The following GPI variants were observed in gnomAD, a reference collection of about 807,000 sequenced individuals.
GPI encodes the protein D-hexose-6-phosphate anomerase.
A neutral mutation model predicts 75.8 loss-of-function variants in GPI; 56 were observed. That is an observed-to-expected ratio of 0.74 (90% CI 0.60 to 0.92). The LOEUF is 0.92. Ranked by LOEUF, GPI falls within the 40% of genes least tolerant of loss-of-function variation. GPI has a pLI of 0.00. For synonymous variants in GPI, 288 were observed against 285.4 expected (o/e 1.01, Z -0.09); for missense variants, 638 against 741.0 (o/e 0.86, Z 1.61).
At chr19:34,375,406 C>A (rs535767782) in intron 4 of GPI, among the ~76,000 whole-genome samples, 1 of 152,212 alleles carries the variant, frequency 6.6e-6, no homozygotes, top group Admixed American at 6.5e-5. Context: ...CCTTGGTCTC[C>A]CAAAGTGCCA....
At chr19:34,392,148 ATCTGGCCCTAGTAAGAAG>A (rs2074856845) in intron 9 of GPI, 1 of 6,416 alleles carries the variant, frequency 1.6e-4, no homozygotes. Context: ...AGGAGGTAGG[ATCTGGCCCTAGTAAGAAG>A]ATCTCAGTCT....
chr19:34,368,888 T>C, intron 4 of GPI, 186 bp downstream of exon 4: 1 of 699,336 alleles, frequency 1.4e-6, no homozygotes, highest in South Asian at 1.6e-5. Flanking sequence ...GAATTTCTCC[T>C]GGCTCTGCTC....
At chr19:34,388,738 G>A (rs1568342049) in intron 9 of GPI, among the ~76,000 whole-genome samples, 1 of 152,100 alleles carries the variant, frequency 6.6e-6, no homozygotes, top group Non-Finnish European at 1.5e-5. Flanking sequence ...ACCTGTTCTC[G>A]GCCAAGGTGA....
At chr19:34,365,543 C>G (rs1404851443) in intron 1 of GPI, 155 bp downstream of exon 1, 1 of 1,237,074 alleles carries the variant, frequency 8.1e-7, no homozygotes, top group Non-Finnish European at 1.1e-6. Flanking sequence ...GCACTTCGTC[C>G]TTGGAGTCTC....
Position 34,368,596 on chromosome 19 carries a change from T to C in GPI, c.296T>C (p.Leu99Pro). Residue 99 changes from leucine (L) to proline (P), a missense_variant, in exon 4 of 18, where the codon CTG (leucine) becomes CCG (proline). Transcript: ENST00000356487. ...CGTAATCCCCAGGGTCGAGCCGTGC[T>C]GCACGTGGCTCTGCGGAACCGGTCA... Reference protein sequence around the residue: ...KINYTEGRAVLHVALRNRSNT... With the variant: ...KINYTEGRAVPHVALRNRSNT... 6.2e-7 allele frequency: 1 copy of C among 1,614,196 alleles called. No individual in the cohort carries two copies. The highest frequency in any genetic ancestry group is 8.5e-7 in the Non-Finnish European group (1 of 1,180,016).
Position 34,399,779 on chromosome 19 carries a change from A to T in GPI, c.1535A>T (p.Gln512Leu). 1 of 1,613,994 alleles carries T rather than the reference A, an allele frequency of 6.2e-7. No individual in the cohort carries two copies. The highest frequency in any genetic ancestry group is 8.5e-7 in the Non-Finnish European group (1 of 1,179,936). ...GIIWDINSFD[Q>L]WGVELGKQLA... ...ATCTGGGACATCAACAGCTTTGACC[A>T]GTGGGGGTGAGTTGCTCACTTAGGG... The change falls in exon 17 of 18, where the codon CAG becomes CTG. Residue 512 changes from glutamine to leucine, a missense_variant. Coordinates refer to ENST00000356487, the MANE Select transcript of GPI (RefSeq NM_000175.5).
At chr19:34,383,658 G>A (rs367700125) in intron 9 of GPI, among the ~76,000 whole-genome samples, 8 of 152,296 alleles carry the variant, frequency 5.3e-5, no homozygotes, top group African/African-American at 1.4e-4. Flanking sequence ...GCCCAGATGC[G>A]GGAGAGGTAG....
intron 9 of GPI, among the ~76,000 whole-genome samples, chr19:34,387,451 G>A (rs2074753607): frequency 6.6e-6 from 1 of 151,574 alleles, no homozygotes; most frequent in Non-Finnish European, 1.5e-5. Flanking sequence ...TGTTTACCTG[G>A]TGTTGTCGTG....
intron 9 of GPI, among the ~76,000 whole-genome samples, chr19:34,383,859 A>C (rs898170962): frequency 1.3e-5 from 2 of 152,142 alleles, no homozygotes; most frequent in African/African-American, 4.8e-5. Context: ...CTGGGCTCTC[A>C]CCAGGCTCCC....
intron 7 of GPI, 103 bp from the exon 8 acceptor site, chr19:34,379,415 G>T: frequency 9.9e-7 from 1 of 1,013,286 alleles, no homozygotes; most frequent in Non-Finnish European, 1.6e-6. Context: ...CCAAGGACTG[G>T]GAATCTCAGT....
chr19:34,378,920 C>G lies in GPI; in HGVS notation c.634-14C>G. 1 of 1,612,788 alleles carries G rather than the reference C, an allele frequency of 6.2e-7. No homozygotes were observed. Among genetic ancestry groups the G allele is most frequent in the Non-Finnish European group, 8.5e-7 (1 of 1,178,710 alleles). On this transcript the variant is annotated splice_polypyrimidine_tract_variant and intron_variant, in intron 6 of 17. Coordinates refer to ENST00000356487, the MANE Select transcript of GPI (RefSeq NM_000175.5). ...CTAAGCTCGGGCGCCCACTGCTGTT[C>G]TCTTTGGTTGCAGACCTTTACTACC...
chr19:34,390,721 T>G (rs549676676), intron 9 of GPI, among the ~76,000 whole-genome samples: 1 of 151,046 alleles, frequency 6.6e-6, no homozygotes, highest in South Asian at 2.1e-4. Context: ...TATGAGGATC[T>G]GGGTCTTCCC....
chr19:34,377,468 G>A, intron 4 of GPI, 35 bp from the exon 5 acceptor site: 1 of 1,490,684 alleles, frequency 6.7e-7, no homozygotes, highest in Non-Finnish European at 9.4e-7. Context: ...TATGCCTGGG[G>A]GTTTGGGCTG....
Position 34,400,098 on chromosome 19 carries a change from G to T in GPI, c.*62G>T. ...TTTCTCTTCTCGTCCCTCCTCCCCG[G>T]AGCCGGCACTGCATGTTCCTGGACA... On this transcript the variant is annotated 3_prime_UTR_variant, in exon 18 of 18. Coordinates refer to ENST00000356487, the MANE Select transcript of GPI (RefSeq NM_000175.5). The T allele has an allele frequency of 6.4e-7, 1 of 1,554,156 alleles. No homozygotes were observed. Among genetic ancestry groups the T allele is most frequent in the African/African-American group, 1.4e-5 (1 of 74,018 alleles).
At chr19:34,361,244 C>G (rs954631757), upstream of GPI, among the ~76,000 whole-genome samples, 3 of 152,142 alleles carry the variant, frequency 2.0e-5, no homozygotes, top group Non-Finnish European at 4.4e-5. Context: ...GTGCCCGCCA[C>G]CACGTCCAGC....
At chr19:34,375,718 A>C (rs1386465019) in intron 4 of GPI, among the ~76,000 whole-genome samples, 1 of 152,252 alleles carries the variant, frequency 6.6e-6, no homozygotes, top group East Asian at 1.9e-4. Flanking sequence ...TCTTCACAAC[A>C]TGATAGACAG....
rs1375685641 is a variant in GPI, at chr19:34,393,284, G to A, written c.841G>A (p.Gly281Arg). ...ACGCTACTCGCTGTGGTCGGCCATC[G>A]GACTCTCCATTGCCCTGCACGTGGG... ...GGRYSLWSAIGLSIALHVGFD... is the reference protein window; with the variant it reads ...GGRYSLWSAIRLSIALHVGFD... The change falls in exon 10 of 18, where the codon GGA becomes AGA. Residue 281 changes from glycine (G) to arginine (R), a missense_variant. Physicochemically the swap from Gly to Arg is moderately radical, Grantham distance 125. Coordinates refer to ENST00000356487, the MANE Select transcript of GPI (RefSeq NM_000175.5). The surrounding 1 kb of genome is among the most constrained non-coding windows in gnomAD (Gnocchi z 4.4). The A allele has an allele frequency of 2.5e-6, 4 of 1,613,428 alleles. No homozygotes were observed. The highest frequency in any genetic ancestry group is 1.7e-5 in the Admixed American group (1 of 60,020).
At chr19:34,385,112 G>A (rs532808981) in intron 9 of GPI, among the ~76,000 whole-genome samples, 24 of 152,154 alleles carry the variant, frequency 1.6e-4, no homozygotes, top group Admixed American at 1.0e-3. Context: ...GGCCAAGGTG[G>A]GTGGATCATC....
chr19:34,391,447 C>T (rs1349091140), intron 9 of GPI, among the ~76,000 whole-genome samples: 1 of 616 alleles, frequency 1.6e-3, no homozygotes, highest in Non-Finnish European at 4.3e-3. Flanking sequence ...TGAGGAGTTA[C>T]CATCTGGTAC....
Sources: allele counts gnomAD v4.1 joint callset (sites outside exome capture counted in the v4.1 genomes callset), GRCh38; gene constraint gnomAD v4.1.1; non-coding constraint Gnocchi (gnomAD v3.1); transcripts MANE v1.5; gene names NCBI Gene and HGNC (gene_info 2026-07-23, HGNC 2026-07-21).